RIPPLY3: variants seen among roughly 807,000 people sequenced by gnomAD.
RIPPLY3 encodes the protein protein ripply3.
RIPPLY3 carries 8 observed loss-of-function variants against 11.9 expected under a neutral mutation model. The ratio of observed to expected loss-of-function variants is 0.67; its 90% CI spans 0.40 to 1.21. The LOEUF (loss-of-function observed/expected upper bound fraction) is 1.21, where lower values mean the gene tolerates loss of function less well. RIPPLY3 is among the 50% of genes most tolerant of loss of function. The pLI is 0.01. For synonymous variants in RIPPLY3, 102 were observed against 99.0 expected, an observed-to-expected ratio of 1.03 and a Z score of -0.18; for missense variants, 271 against 246.0, an observed-to-expected ratio of 1.10 and a Z score of -0.68.
rs1425436484 is a variant in RIPPLY3 at position 37,006,920 on chromosome 21, C to T, written c.104+44C>T. On this transcript the variant is annotated intron_variant, in intron 1 of 3. Transcript: ENST00000329553. The surrounding 1 kb of genome is among the most constrained non-coding windows in gnomAD (Gnocchi z 5.2). Reference sequence around the variant, plus strand: ...CCCGGTGGACGCGCTGAGAGGCGTGCGCGGTGGCGGTGCGGGGAGCGCAGC... The same window carrying T: ...CCCGGTGGACGCGCTGAGAGGCGTGTGCGGTGGCGGTGCGGGGAGCGCAGC... 8.2e-6 allele frequency: 9 copies of T among 1,102,114 alleles called. No individual in the cohort carries two copies. In the Admixed American group the frequency reaches 3.9e-4, roughly 48 times the overall value. 68.3% of individuals were successfully genotyped at this position (1,102,114 alleles called of 1,614,324 possible). A position where few individuals can be genotyped will look rare whatever the true frequency, so the allele number is the denominator to read the frequency against.
rs1367195197 is a variant in RIPPLY3, at chr21:37,006,882, G to A, written c.104+6G>A. 1.6e-6 allele frequency: 2 copies of A among 1,213,834 alleles called. No homozygotes were observed. Among genetic ancestry groups the A allele is most frequent in the African/African-American group, 3.1e-5 (2 of 63,678 alleles). 75.2% of individuals were successfully genotyped at this position (1,213,834 alleles called of 1,614,324 possible). ...CCACCGCGCGGGCCGGAGAGGTGAG[G>A]GTGGCCCCGCGCCCCGGTGGACGCG... On this transcript the variant is annotated splice_donor_region_variant and intron_variant, in intron 1 of 3. Transcript: ENST00000329553. The surrounding 1 kb of genome is among the most constrained non-coding windows in gnomAD (Gnocchi z 5.2).
Position 37,017,997 on chromosome 21 carries a change from C to A in RIPPLY3, c.363C>A (p.Ser121=), listed in dbSNP as rs138756839. The A allele has an allele frequency of 2.5e-6, 4 of 1,613,974 alleles. No individual in the cohort carries two copies. In the Admixed American group the frequency reaches 6.7e-5, roughly 27 times the overall value. The change falls in exon 4 of 4, where the codon TCC becomes TCA. Residue 121 remains serine, a synonymous_variant. Coordinates refer to ENST00000329553, the MANE Select transcript of RIPPLY3 (RefSeq NM_018962.3). ...ACGATGAGTCTACTGAGTCTGCTTCCGAAGCTGAAGAGCCAGAGGAAGGAC... is the reference window on the plus strand; with the variant it reads ...ACGATGAGTCTACTGAGTCTGCTTCAGAAGCTGAAGAGCCAGAGGAAGGAC... The part of the protein sequence containing the change: ...FYDDESTESA[S]EAEEPEEGPP...
chr21:37,016,495 C>A (rs909962067), intron 3 of RIPPLY3, among the ~76,000 whole-genome samples: 1 of 152,088 alleles, frequency 6.6e-6, no homozygotes, highest in African/African-American at 2.4e-5. Flanking sequence ...TTGACAAACT[C>A]ACTTCTTCAG....
At position 37,010,017 on chromosome 21, in the gene RIPPLY3, CA is replaced by C. The variant is rs2069504527; in HGVS notation, c.171+1795del. On this transcript the variant is annotated intron_variant, in intron 2 of 3. Transcript: ENST00000329553. ...CTGCAGTCCACCGACGAGAGCTGCCCAGCGCAGGGAAGGAACGCTTCTTGCT... is the reference window on the plus strand; with the variant it reads ...CTGCAGTCCACCGACGAGAGCTGCCCGCGCAGGGAAGGAACGCTTCTTGCT... Among the ~76,000 whole-genome samples the C allele has an allele frequency of 4.6e-5, 7 of 152,306 alleles. No homozygotes were observed. The South Asian group carries it at 1.4e-3, about 32-fold the overall frequency.
rs540985169 is a variant in RIPPLY3, at chr21:37,015,905, G to C, written c.240-1969G>C. 5.4e-5 allele frequency among the ~76,000 whole-genome samples: 8 copies of C among 148,786 alleles called. No individual in the cohort carries two copies. In the South Asian group the frequency reaches 1.7e-3, roughly 32 times the overall value. ...TTTTTTTTTTTTTTTTCAGATATGG[G>C]GTTTTGCCATGTTGCTCAGGCTGGT... On this transcript the variant is annotated intron_variant, in intron 3 of 3. Transcript: ENST00000329553.
At chr21:37,009,790 T>C (rs974079965) in intron 2 of RIPPLY3, among the ~76,000 whole-genome samples, 1 of 152,242 alleles carries the variant, frequency 6.6e-6, no homozygotes, top group African/African-American at 2.4e-5. Flanking sequence ...GTTAACTTTC[T>C]CGCTGATCAG....
rs1320066955 is a variant in RIPPLY3, at chr21:37,007,459, A to G, written c.104+583A>G. 2.5e-5 allele frequency among the ~76,000 whole-genome samples: 3 copies of G among 117,696 alleles called. No individual in the cohort carries two copies. In the Admixed American group the frequency reaches 3.6e-4, roughly 14 times the overall value. The allele number at this position is 117,696 out of a possible 152,430, so 77.2% of individuals were successfully genotyped here. On this transcript the variant is annotated intron_variant, in intron 1 of 3. Coordinates refer to ENST00000329553, the MANE Select transcript of RIPPLY3 (RefSeq NM_018962.3). ...GGTCTCACTGTGTCGCCCAGGCTGG[A>G]GTGCAATGGCGTGATCTCGGCTCAC...
chr21:37,018,128 G>A lies in RIPPLY3; in HGVS notation c.494G>A (p.Gly165Glu). The part of the protein sequence containing the change: ...QGINQGQRSS[G>E]GGDHWGEGPL... ...ATCAACCAAGGGCAGCGATCCTCAG[G>A]AGGGGGTGACCACTGGGGGGAGGGT... The change falls in exon 4 of 4, where the codon GGA (glycine) becomes GAA (glutamate). Residue 165 changes from glycine (G) to glutamate (E), a missense_variant. Transcript: ENST00000329553. 1 of 1,614,056 alleles carries A rather than the reference G, an allele frequency of 6.2e-7. No individual in the cohort carries two copies. The highest frequency in any genetic ancestry group is 8.5e-7 in the Non-Finnish European group (1 of 1,179,990).
chr21:37,018,274 C>G lies in RIPPLY3; in HGVS notation c.*67C>G, dbSNP rs1484668749. On this transcript the variant is annotated 3_prime_UTR_variant, in exon 4 of 4. Coordinates refer to ENST00000329553, the MANE Select transcript of RIPPLY3 (RefSeq NM_018962.3). Reference sequence around the variant, plus strand: ...TCACGTTCTCTTGGGGACACCCGAGCCAGGACACTACGCATCCCTGCTGAG... The same window carrying G: ...TCACGTTCTCTTGGGGACACCCGAGGCAGGACACTACGCATCCCTGCTGAG... 8 of 1,360,252 alleles carry G rather than the reference C, an allele frequency of 5.9e-6. No individual in the cohort carries two copies. Among genetic ancestry groups the G allele is most frequent in the Non-Finnish European group, 8.3e-6 (8 of 958,248 alleles). 84.3% of individuals were successfully genotyped at this position (1,360,252 alleles called of 1,614,324 possible).
At chr21:37,007,738 T>C (rs1314322813) in intron 1 of RIPPLY3, among the ~76,000 whole-genome samples, 1 of 152,144 alleles carries the variant, frequency 6.6e-6, no homozygotes, top group African/African-American at 2.4e-5. Flanking sequence ...TTTTTCATCC[T>C]ACAACTCTGT....
At chr21:37,013,395 G>A (rs1305122049) in intron 2 of RIPPLY3, among the ~76,000 whole-genome samples, 156 bp from the exon 3 acceptor site, 1 of 152,152 alleles carries the variant, frequency 6.6e-6, no homozygotes, top group East Asian at 1.9e-4. Context: ...ACAGGAACAC[G>A]GGCTTATCGA....
At chr21:37,009,101 G>A (rs1283803166) in intron 2 of RIPPLY3, among the ~76,000 whole-genome samples, 1 of 152,140 alleles carries the variant, frequency 6.6e-6, no homozygotes, top group Non-Finnish European at 1.5e-5. Flanking sequence ...CAAGATTAAT[G>A]ACCTCCACCA....
At chr21:37,008,054 T>A in intron 1 of RIPPLY3, 103 bp from the exon 2 acceptor site, 1 of 1,255,096 alleles carries the variant, frequency 8.0e-7, no homozygotes, top group Non-Finnish European at 1.1e-6. Flanking sequence ...GTCCGGTGCC[T>A]CTTTTTCAGG....
In RIPPLY3 at chr21:37,006,826, C is replaced by T; in HGVS notation, c.54C>T (p.His18=). Residue 18 remains histidine (H), a synonymous_variant, in exon 1 of 4, where the codon CAC becomes CAT. Transcript: ENST00000329553. The surrounding 1 kb of genome is among the most constrained non-coding windows in gnomAD (Gnocchi z 5.2). The part of the protein sequence containing the change: ...GARKARGRGC[H]CPGDAPWRPP... ...GGAAGGCGCGGGGGCGCGGCTGTCA[C>T]TGCCCCGGGGACGCTCCCTGGAGGC... 8.1e-7 allele frequency: 1 copy of T among 1,228,706 alleles called. No homozygotes were observed. The highest frequency in any genetic ancestry group is 4.3e-5 in the Admixed American group (1 of 23,432). 76.1% of individuals were successfully genotyped at this position (1,228,706 alleles called of 1,614,324 possible).
At chr21:37,011,555 G>A (rs1008950639) in intron 2 of RIPPLY3, among the ~76,000 whole-genome samples, 50 of 152,172 alleles carry the variant, frequency 3.3e-4, no homozygotes, top group Non-Finnish European at 1.5e-4. Flanking sequence ...TTATAATCAC[G>A]AACAGAGCTT....
At chr21:37,011,147 C>T (rs748245047) in intron 2 of RIPPLY3, among the ~76,000 whole-genome samples, 13 of 152,086 alleles carry the variant, frequency 8.5e-5, no homozygotes, top group African/African-American at 2.2e-4. Flanking sequence ...GGATTACAAG[C>T]GTGCGCCACC....
chr21:37,015,152 G>GTTTTGT (rs377507985), intron 3 of RIPPLY3, among the ~76,000 whole-genome samples: 12 of 151,936 alleles, frequency 7.9e-5, no homozygotes, highest in Middle Eastern at 3.4e-3. Context: ...TCTGTTTTTT[G>GTTTTGT]TTTTGTTTTT....
At position 37,007,836 on chromosome 21, in the gene RIPPLY3, G is replaced by C. The variant is rs1236144456; in HGVS notation, c.105-321G>C. 3.3e-5 allele frequency among the ~76,000 whole-genome samples: 5 copies of C among 152,298 alleles called. No homozygotes were observed. The South Asian group carries it at 1.0e-3, about 32-fold the overall frequency. On this transcript the variant is annotated intron_variant, in intron 1 of 3. Coordinates refer to ENST00000329553, the MANE Select transcript of RIPPLY3 (RefSeq NM_018962.3). ...GGGACAAAGTAGACAGCTATAGTTG[G>C]GGAACCCCGAATTGAACAATTCAGC...
chr21:37,018,397 T>C lies in RIPPLY3; in HGVS notation c.*190T>C. 3 of 593,504 alleles carry C rather than the reference T, an allele frequency of 5.1e-6. No homozygotes were observed. The South Asian group carries it at 6.1e-5, about 12-fold the overall frequency. 36.8% of individuals were successfully genotyped at this position (593,504 alleles called of 1,614,324 possible). ...TTTTCTTTCCCCTGGCAATTCGTTT[T>C]TGGTGCACTCATGCATGCCTTTGAG... On this transcript the variant is annotated 3_prime_UTR_variant, in exon 4 of 4. Transcript: ENST00000329553.
Sources: gnomAD v4.1 joint callset for allele counts (sites outside exome capture counted in the v4.1 genomes callset) on GRCh38, gnomAD v4.1.1 for gene constraint, Gnocchi (gnomAD v3.1) non-coding constraint, MANE v1.5 for transcripts, NCBI Gene and HGNC (gene_info 2026-07-23, HGNC 2026-07-21) for gene names.